Variants in COLEC10 observed in about 807,000 individuals in gnomAD.
COLEC10 encodes collectin-10.
Under a neutral mutation model 28.4 loss-of-function variants are expected in COLEC10, and 22 were observed. The observed-to-expected ratio is 0.78, with a 90% CI of 0.55 to 1.11. COLEC10 has a LOEUF of 1.11. Among genes scored for constraint, COLEC10 ranks in the 50% least tolerant of loss-of-function variants. The probability of loss-of-function intolerance (pLI) is 0.00; values close to 1 mark genes in which losing one functional copy is unlikely to be tolerated. For missense variants in COLEC10, 361 were observed against 344.1 expected, an observed-to-expected ratio of 1.05 and a Z score of -0.39; for synonymous variants, 125 against 116.1, an observed-to-expected ratio of 1.08 and a Z score of -0.49.
At chr8:119,031,368 T>A (rs1156302348) in intron 2 of COLEC10, among the ~76,000 whole-genome samples, 1 of 152,174 alleles carries the variant, frequency 6.6e-6, no homozygotes, top group African/African-American at 2.4e-5. Context: ...AAGTAAAATA[T>A]TCACAATAAC....
intron 3 of COLEC10, among the ~76,000 whole-genome samples, chr8:119,099,379 C>A (rs1323445963): frequency 1.3e-5 from 2 of 151,896 alleles, no homozygotes. Flanking sequence ...TGAGTCAAGC[C>A]CAGTGCTGAT....
At chr8:119,019,984 C>T (rs375260801) in intron 2 of COLEC10, among the ~76,000 whole-genome samples, 22 of 152,312 alleles carry the variant, frequency 1.4e-4, no homozygotes, top group African/African-American at 5.1e-4. Flanking sequence ...ATTCACTTCT[C>T]AATATTTCTC....
the COLEC10 span, among the ~76,000 whole-genome samples, chr8:118,959,536 T>C: frequency 2.0e-5 from 3 of 152,234 alleles, no homozygotes; most frequent in Non-Finnish European, 4.4e-5. Context: ...TGGCAAGCCA[T>C]AAGCTCTCCA....
At chr8:119,049,750 T>C (rs1814646113) in intron 2 of COLEC10, among the ~76,000 whole-genome samples, 2 of 152,290 alleles carry the variant, frequency 1.3e-5, no homozygotes, top group African/African-American at 4.8e-5. Flanking sequence ...GGCTACATTA[T>C]TGGTTCTGAA....
intron 2 of COLEC10, among the ~76,000 whole-genome samples, chr8:119,090,539 G>A (rs183868225): frequency 6.6e-6 from 1 of 152,322 alleles, no homozygotes; most frequent in Non-Finnish European, 1.5e-5. Flanking sequence ...ACATATGCAT[G>A]TCGATTACAA....
At chr8:119,005,662 G>C (rs138214004) in intron 1 of COLEC10, among the ~76,000 whole-genome samples, 152 of 152,238 alleles carry the variant, frequency 1.0e-3, no homozygotes, top group African/African-American at 3.6e-3. Flanking sequence ...TGAAAAACTA[G>C]TTTCTAAAGA....
chr8:119,006,323 A>C (rs1172109749), intron 1 of COLEC10, among the ~76,000 whole-genome samples: 1 of 152,042 alleles, frequency 6.6e-6, no homozygotes, highest in African/African-American at 2.4e-5. Context: ...AGGCTCAAAC[A>C]ACCATTGCCT....
At chr8:119,103,176 GAA>G (rs1453936216) in intron 4 of COLEC10, among the ~76,000 whole-genome samples, 1 of 152,150 alleles carries the variant, frequency 6.6e-6, no homozygotes, top group Admixed American at 6.5e-5. Context: ...GCAGGTTGTT[GAA>G]AAGTTAGGTG....
chr8:118,959,118 G>A, the COLEC10 span, among the ~76,000 whole-genome samples: 2 of 152,226 alleles, frequency 1.3e-5, no homozygotes, highest in African/African-American at 4.8e-5. Context: ...GTTGTTAGAT[G>A]TGGGGAGATG....
At chr8:118,985,269 T>G in the COLEC10 span, among the ~76,000 whole-genome samples, 104 of 152,264 alleles carry the variant, frequency 6.8e-4, no homozygotes, top group African/African-American at 2.5e-3. Flanking sequence ...ATTTGATAAT[T>G]TGAAGAATTC....
upstream of COLEC10, among the ~76,000 whole-genome samples, chr8:118,991,133 G>A (rs1230251804): frequency 6.6e-6 from 1 of 151,938 alleles, no homozygotes. Flanking sequence ...CTATTTGGGG[G>A]CATTTTTAAT....
chr8:118,989,726 A>ATGTGTGTGTG, the COLEC10 span, among the ~76,000 whole-genome samples: 25 of 151,316 alleles, frequency 1.7e-4, no homozygotes, highest in East Asian at 3.5e-3. Context: ...AAAAATTTGC[A>ATGTGTGTGTG]TGTGTGTGTG....
chr8:118,959,535 A>G, the COLEC10 span, among the ~76,000 whole-genome samples: 1 of 152,242 alleles, frequency 6.6e-6, no homozygotes, highest in South Asian at 2.1e-4. Context: ...CTGGCAAGCC[A>G]TAAGCTCTCC....
At chr8:118,987,296 G>A in the COLEC10 span, among the ~76,000 whole-genome samples, 2 of 152,180 alleles carry the variant, frequency 1.3e-5, no homozygotes, top group East Asian at 3.9e-4. Context: ...GGGTGCAGTG[G>A]CTCACACCTG....
At chr8:119,089,529 G>A in intron 1 of COLEC10, 151 bp from the exon 2 acceptor site, 1 of 563,280 alleles carries the variant, frequency 1.8e-6, no homozygotes, top group Non-Finnish European at 3.2e-6. Context: ...ATTGTCAAGT[G>A]CATGTGAACA....
intron 1 of COLEC10, among the ~76,000 whole-genome samples, chr8:119,003,920 C>T (rs1348638349): frequency 2.0e-5 from 3 of 151,980 alleles, no homozygotes; most frequent in African/African-American, 7.2e-5. Flanking sequence ...TTGAAGGGCT[C>T]AATATCCCAG....
chr8:119,091,162 A>C lies in COLEC10; in HGVS notation c.234A>C (p.Glu78Asp), dbSNP rs150828850. Residue 78 changes from glutamate (E) to aspartate (D), a missense_variant, in exon 3 of 6, where the codon GAA (glutamate) becomes GAC (aspartate). Transcript: ENST00000332843. ...GRMGPKGIKG[E>D]LGDMGDQGNI... ...TTTGCTTTTCAGGAATTAAAGGAGA[A>C]CTGGGTGATATGGGAGATCAGGGCA... The C allele has an allele frequency of 1.5e-3, 2,435 of 1,613,080 alleles. 3 individuals carry two copies. Among genetic ancestry groups the C allele is most frequent in the Non-Finnish European group, 2.0e-3 (2,300 of 1,179,302 alleles).
intron 1 of COLEC10, among the ~76,000 whole-genome samples, chr8:119,074,510 A>G (rs1215555162): frequency 6.6e-6 from 1 of 152,204 alleles, no homozygotes; most frequent in African/African-American, 2.4e-5. Context: ...AGACATGTCT[A>G]GTATATAGCT....
intron 2 of COLEC10, among the ~76,000 whole-genome samples, chr8:119,010,246 C>T (rs1447015817): frequency 1.3e-5 from 2 of 150,686 alleles, no homozygotes; most frequent in African/African-American, 2.5e-5. Context: ...TCCGGAGTGT[C>T]AAATAGTTGG....
Sources: gnomAD v4.1 joint callset for allele counts (sites outside exome capture counted in the v4.1 genomes callset) on GRCh38, gnomAD v4.1.1 for gene constraint, MANE v1.5 for transcripts, NCBI Gene and HGNC (gene_info 2026-07-23, HGNC 2026-07-21) for gene names.